The following UBE2J2 variants were observed in gnomAD, a reference collection of about 807,000 sequenced individuals.
UBE2J2 encodes ubiquitin conjugating enzyme E2 J2, also known as ubiquitin-conjugating enzyme E2 J2.
A neutral mutation model predicts 28.6 loss-of-function variants in UBE2J2; 5 were observed. That is an observed-to-expected ratio of 0.17 (90% confidence interval 0.09 to 0.37). UBE2J2 has a LOEUF of 0.37. Among genes scored for constraint, UBE2J2 ranks in the 10% least tolerant of loss-of-function variants. UBE2J2 has a pLI of 1.00. For synonymous variants in UBE2J2, 138 were observed against 139.7 expected (o/e 0.99, Z 0.09); for missense variants, 226 against 338.9 (o/e 0.67, Z 2.62).
Position 1,255,106 on chromosome 1 carries a change from G to A in UBE2J2, c.*97C>T. The A allele has an allele frequency of 2.3e-6, 3 of 1,327,632 alleles. No homozygotes were observed. Among genetic ancestry groups the A allele is most frequent in the Non-Finnish European group, 3.0e-6 (3 of 985,440 alleles). The allele number at this position is 1,327,632 out of a possible 1,614,324, so 82.2% of individuals were successfully genotyped here. On this transcript the variant is annotated 3_prime_UTR_variant, in exon 7 of 7. Coordinates refer to ENST00000349431, the MANE Select transcript of UBE2J2 (RefSeq NM_058167.3). Reference sequence around the variant, plus strand: ...TTTAAAAGCTAAACCTAGGAGCCTGGTGGGTCTGCCTGTGCTGGGCAGTGT... The same window carrying A: ...TTTAAAAGCTAAACCTAGGAGCCTGATGGGTCTGCCTGTGCTGGGCAGTGT...
At chr1:1,259,680 G>A (rs1055291575) in intron 3 of UBE2J2, among the ~76,000 whole-genome samples, 6 of 152,054 alleles carry the variant, frequency 3.9e-5, no homozygotes, top group Admixed American at 3.9e-4. Context: ...CCACCCAGAC[G>A]CCCGCCCTAC....
chr1:1,261,091 G>A (rs6673601), intron 3 of UBE2J2, among the ~76,000 whole-genome samples: 2,016 of 152,346 alleles, frequency 0.013, 57 homozygotes, highest in African/African-American at 0.046. Context: ...AGCAGCATCA[G>A]ATACCAGAGG....
At chr1:1,271,987 A>ATAAATAAAAT (rs1246476605) in intron 1 of UBE2J2, among the ~76,000 whole-genome samples, 1 of 144,072 alleles carries the variant, frequency 6.9e-6, no homozygotes, top group African/African-American at 2.8e-5. Context: ...AAAAAAAAAA[A>ATAAATAAAAT]AAAAAAAAAA....
intron 3 of UBE2J2, chr1:1,262,077 G>A (rs1056139316): frequency 3.5e-6 from 1 of 287,252 alleles, no homozygotes; most frequent in Non-Finnish European, 7.0e-6. Context: ...GGCTGGTCTC[G>A]AACTCCTGAC....
Position 1,254,022 on chromosome 1 carries a change from A to C in UBE2J2, c.*1181T>G, listed in dbSNP as rs986660152. 31 of 152,258 alleles carry C rather than the reference A, an allele frequency of 2.0e-4. No individual in the cohort carries two copies. Among genetic ancestry groups the C allele is most frequent in the African/African-American group, 7.2e-4 (30 of 41,470 alleles). The allele number at this position is 152,258 out of a possible 1,614,324, so 9.4% of individuals were successfully genotyped here. A position where few individuals can be genotyped will look rare whatever the true frequency, so the allele number is the denominator to read the frequency against. ...TGAATAAACTGATCAAAAAACGAAG[A>C]AAGATGAGCGCGTGCGGGCTGGGCT... On this transcript the variant is annotated 3_prime_UTR_variant, in exon 7 of 7. Transcript: ENST00000349431.
intron 3 of UBE2J2, among the ~76,000 whole-genome samples, chr1:1,257,625 G>C (rs1464332968): frequency 6.7e-6 from 1 of 149,508 alleles, no homozygotes; most frequent in Admixed American, 6.7e-5. Flanking sequence ...CCCTCTCCCT[G>C]GAGTGTCCAC....
chr1:1,256,922 ACTCAGG>A, intron 5 of UBE2J2, 64 bp downstream of exon 5: 1 of 1,207,702 alleles, frequency 8.3e-7, no homozygotes, highest in Non-Finnish European at 1.1e-6. Flanking sequence ...GGCAGCTGCA[ACTCAGG>A]AACAGAGAAC....
intron 5 of UBE2J2, 24 bp downstream of exon 5, chr1:1,256,968 C>A: frequency 1.4e-6 from 2 of 1,471,260 alleles, no homozygotes; most frequent in Non-Finnish European, 1.8e-6. Flanking sequence ...TGACGGCCCA[C>A]CAGGGAGAGG....
At chr1:1,256,239 T>C in intron 5 of UBE2J2, 114 bp from the exon 6 acceptor site, 1 of 725,000 alleles carries the variant, frequency 1.4e-6, no homozygotes, top group South Asian at 1.7e-5. Flanking sequence ...AGAAAGCATT[T>C]AATAAGCACA....
At chr1:1,257,557 G>A (rs1248280407) in intron 3 of UBE2J2, among the ~76,000 whole-genome samples, 5 of 109,410 alleles carry the variant, frequency 4.6e-5, no homozygotes, top group East Asian at 2.9e-4. Context: ...CCCACCACCC[G>A]ACTGGACCCA....
rs1325410944 is a variant in UBE2J2, at chr1:1,254,750, C to T, written c.*453G>A. ...TCATCACCACACGGCCAGGCCAGAC[C>T]AGCACCCGCGGACGCCAGCTCCACC... On this transcript the variant is annotated 3_prime_UTR_variant, in exon 7 of 7. Transcript: ENST00000349431. 6.2e-6 allele frequency: 1 copy of T among 162,314 alleles called. No homozygotes were observed. The highest frequency in any genetic ancestry group is 1.8e-4 in the East Asian group (1 of 5,458). 10.1% of individuals were successfully genotyped at this position (162,314 alleles called of 1,614,324 possible).
At chr1:1,263,511 T>C (rs1639677789) in intron 2 of UBE2J2, 125 bp from the exon 3 acceptor site, 1 of 856,142 alleles carries the variant, frequency 1.2e-6, no homozygotes, top group Non-Finnish European at 2.0e-6. Context: ...AGTGAACAAA[T>C]GAAGGTGAAA....
chr1:1,263,524 TCA>T (rs1336857472), intron 2 of UBE2J2, 138 bp from the exon 3 acceptor site: 6 of 779,344 alleles, frequency 7.7e-6, no homozygotes, highest in Non-Finnish European at 1.4e-5. Flanking sequence ...AGGTGAAATG[TCA>T]CACAGCCACA....
chr1:1,255,878 C>T (rs1053938728), intron 6 of UBE2J2, among the ~76,000 whole-genome samples, 167 bp downstream of exon 6: 9 of 152,254 alleles, frequency 5.9e-5, no homozygotes, highest in African/African-American at 1.2e-4. Context: ...CAGGCCACCC[C>T]CCAGAGCCCA....
chr1:1,269,617 T>C (rs541588380), intron 1 of UBE2J2, among the ~76,000 whole-genome samples: 18 of 152,098 alleles, frequency 1.2e-4, no homozygotes, highest in Non-Finnish European at 2.1e-4. Context: ...CCTGCCACCA[T>C]GCCAAGCAAA....
chr1:1,270,584 G>A (rs906780921), intron 1 of UBE2J2, among the ~76,000 whole-genome samples: 2 of 152,014 alleles, frequency 1.3e-5, no homozygotes, highest in Non-Finnish European at 2.9e-5. Flanking sequence ...CTTCTCTAAC[G>A]CAAAATGTCA....
intron 2 of UBE2J2, among the ~76,000 whole-genome samples, chr1:1,265,690 C>T (rs974436472): frequency 3.3e-5 from 5 of 149,306 alleles, no homozygotes; most frequent in South Asian, 2.1e-4. Context: ...TACAGTGGTG[C>T]GATCTCAGCT....
At chr1:1,259,131 G>GGGCA (rs1639396668) in intron 3 of UBE2J2, among the ~76,000 whole-genome samples, 3 of 141,656 alleles carry the variant, frequency 2.1e-5, no homozygotes, top group Non-Finnish European at 4.6e-5. Flanking sequence ...ACGCACGTGT[G>GGGCA]TGCATGCCAT....
At position 1,255,434 on chromosome 1, in the gene UBE2J2, A is replaced by G. The variant is rs1297368476; in HGVS notation, c.549T>C (p.Thr183=). Residue 183 remains threonine (T), a synonymous_variant, in exon 7 of 7, where the codon ACT becomes ACC. Transcript: ENST00000349431. ...CTGGAACCACGTCTGGCAAGGGGAGAGTCTGGGGTCTGCTACTGAGTTCGT... is the reference window on the plus strand; with the variant it reads ...CTGGAACCACGTCTGGCAAGGGGAGGGTCTGGGGTCTGCTACTGAGTTCGT... ...AQDELSSRPQ[T]LPLPDVVPDG... 6.2e-7 allele frequency: 1 copy of G among 1,613,572 alleles called. No homozygotes were observed. Among genetic ancestry groups the G allele is most frequent in the Non-Finnish European group, 8.5e-7 (1 of 1,179,956 alleles).
Sources: allele counts gnomAD v4.1 joint callset (sites outside exome capture counted in the v4.1 genomes callset), GRCh38; gene constraint gnomAD v4.1.1; transcripts MANE v1.5; gene names NCBI Gene and HGNC (gene_info 2026-07-23, HGNC 2026-07-21).